Variants in B4GALNT1 observed in about 807,000 individuals in gnomAD.
B4GALNT1 encodes beta-1,4 N-acetylgalactosaminyltransferase 1.
In B4GALNT1, 43 loss-of-function variants were observed where a neutral mutation model predicts 55.2. The observed-to-expected ratio is 0.78, with a 90% confidence interval of 0.61 to 1.00. B4GALNT1 has a LOEUF of 1.00. B4GALNT1 is among the 50% of genes least tolerant of loss of function. B4GALNT1 has a pLI of 0.00. For synonymous variants in B4GALNT1, 305 were observed against 311.6 expected (o/e 0.98, Z 0.22); for missense variants, 664 against 729.7 (o/e 0.91, Z 1.04).
At position 57,625,397 on chromosome 12, in the gene B4GALNT1, C is replaced by G; in HGVS notation, c.*1347G>C. ...CTGATCTGGGACTTAACCCCTTTGC[C>G]CCATCCCTGCAGCTGGCCAGCCGAT... On this transcript the variant is annotated 3_prime_UTR_variant, in exon 11 of 11. Coordinates refer to ENST00000341156, the MANE Select transcript of B4GALNT1 (RefSeq NM_001478.5). The G allele has an allele frequency of 2.5e-6, 4 of 1,614,118 alleles. No homozygotes were observed. The highest frequency in any genetic ancestry group is 3.4e-6 in the Non-Finnish European group (4 of 1,180,010).
In B4GALNT1 at chr12:57,631,221, T is replaced by G. The variant is rs1885187882; in HGVS notation, c.362A>C (p.Glu121Ala). Residue 121 changes from glutamate to alanine, a missense_variant, in exon 3 of 11, where the codon GAG (glutamate) becomes GCG (alanine). Glu to Ala is a moderately radical substitution (Grantham distance 107). Coordinates refer to ENST00000341156, the MANE Select transcript of B4GALNT1 (RefSeq NM_001478.5). ...GTACCTCGACAGAAAGGCCTGGAACTCCTGCTCTCTTGTGGCAGAGGCAGC... is the reference window on the plus strand; with the variant it reads ...GTACCTCGACAGAAAGGCCTGGAACGCCTGCTCTCTTGTGGCAGAGGCAGC... ...LRAASATREQ[E>A]FQAFLSRSQS... 1 of 1,614,034 alleles carries G rather than the reference T, an allele frequency of 6.2e-7. No homozygotes were observed. Among genetic ancestry groups the G allele is most frequent in the Admixed American group, 1.7e-5 (1 of 60,006 alleles).
rs777094262 is a variant in B4GALNT1, at chr12:57,629,133, G to C, written c.726C>G (p.Thr242=). ...TAGTGAAAGCAGCCTCATGTCCCTC[G>C]GTGGAGAACCGGACTGGGAAGAAAG... ...TNTADTVRFS[T]EGHEAAFTIR... The change falls in exon 7 of 11, where the codon ACC becomes ACG. Residue 242 remains threonine (T), a synonymous_variant. Coordinates refer to ENST00000341156, the MANE Select transcript of B4GALNT1 (RefSeq NM_001478.5). 1.6e-5 allele frequency: 26 copies of C among 1,594,690 alleles called. No individual in the cohort carries two copies. Among genetic ancestry groups the C allele is most frequent in the Non-Finnish European group, 2.2e-5 (26 of 1,166,234 alleles).
In B4GALNT1 at chr12:57,630,495, C is replaced by G. The variant is rs810205; in HGVS notation, c.514G>C (p.Gly172Arg). Reference sequence around the variant, plus strand: ...TCTCTCACCTGGTATACCTCCTGACCAGAAGCTGCCTGAAGGCTCAGCCCT... The same window carrying G: ...TCTCTCACCTGGTATACCTCCTGACGAGAAGCTGCCTGAAGGCTCAGCCCT... ...VPGLSLQAAS[G>R]QEVYQVNLTA... Residue 172 changes from glycine to arginine, a missense_variant, in exon 5 of 11, where the codon GGT becomes CGT. Transcript: ENST00000341156. The G allele has an allele frequency of 0.019, 30,837 of 1,609,128 alleles. 397 individuals carry two copies. The highest frequency in any genetic ancestry group is 0.049 in the African/African-American group (3,644 of 74,838).
chr12:57,631,431 T>G (rs1251156453), intron 2 of B4GALNT1, 67 bp from the exon 3 acceptor site: 1 of 1,559,782 alleles, frequency 6.4e-7, no homozygotes, highest in South Asian at 1.2e-5. Flanking sequence ...CCATAAACAC[T>G]GACACAGCAC....
chr12:57,632,943 T>G lies in B4GALNT1; in HGVS notation c.-173A>C, dbSNP rs924652671. The G allele has an allele frequency of 6.6e-6, 1 of 152,224 alleles. No individual in the cohort carries two copies. Among genetic ancestry groups the G allele is most frequent in the Non-Finnish European group, 1.5e-5 (1 of 68,194 alleles). The allele number at this position is 152,224 out of a possible 1,614,324, so 9.4% of individuals were successfully genotyped here. A position where few individuals can be genotyped will look rare whatever the true frequency, so the allele number is the denominator to read the frequency against. ...GGAGCGCGCCCGATCCCTCCCGTCT[T>G]GGAACTCCCGGGGCTTTTGTGGAGC... On this transcript the variant is annotated 5_prime_UTR_variant, in exon 1 of 11. Coordinates refer to ENST00000341156, the MANE Select transcript of B4GALNT1 (RefSeq NM_001478.5).
At chr12:57,632,344 C>A in intron 1 of B4GALNT1, 1 of 693,806 alleles carries the variant, frequency 1.4e-6, no homozygotes, top group Non-Finnish European at 2.6e-6. Context: ...GGCCTCCTTT[C>A]TTCTCGCCCT....
chr12:57,632,229 G>T, intron 1 of B4GALNT1, 96 bp from the exon 2 acceptor site: 1 of 1,189,162 alleles, frequency 8.4e-7, no homozygotes, highest in Non-Finnish European at 1.2e-6. Context: ...GCTCCTGCCG[G>T]CTCCCAAGAG....
Position 57,625,878 on chromosome 12 carries a change from G to A in B4GALNT1, c.*866C>T. The A allele has an allele frequency of 1.9e-6, 2 of 1,073,318 alleles. No individual in the cohort carries two copies. The highest frequency in any genetic ancestry group is 2.5e-6 in the Non-Finnish European group (2 of 803,896). The allele number at this position is 1,073,318 out of a possible 1,614,324, so 66.5% of individuals were successfully genotyped here. On this transcript the variant is annotated 3_prime_UTR_variant, in exon 11 of 11. Transcript: ENST00000341156. ...ATCAGGGAGCCCGGGCTGAGCTATGGGTGAGGAACTGAAGAACTCAGATCC... is the reference window on the plus strand; with the variant it reads ...ATCAGGGAGCCCGGGCTGAGCTATGAGTGAGGAACTGAAGAACTCAGATCC...
In B4GALNT1 at chr12:57,628,039, G is replaced by A. The variant is rs537686267; in HGVS notation, c.1143+83C>T. On this transcript the variant is annotated intron_variant, in intron 9 of 10. Coordinates refer to ENST00000341156, the MANE Select transcript of B4GALNT1 (RefSeq NM_001478.5). ...TTCTCTCTTTGTCCTAGGGCTGGCC[G>A]TTCCTGGCCGCAGCGCCCCCGCTGT... The A allele has an allele frequency of 2.1e-5, 33 of 1,572,588 alleles. No individual in the cohort carries two copies. The African/African-American group carries it at 4.1e-4, about 19-fold the overall frequency.
Position 57,628,730 on chromosome 12 carries a change from G to A in B4GALNT1, c.985C>T (p.Leu329Phe), listed in dbSNP as rs1390600528. The A allele has an allele frequency of 6.2e-6, 10 of 1,614,250 alleles. No homozygotes were observed. Among genetic ancestry groups the A allele is most frequent in the Non-Finnish European group, 8.5e-6 (10 of 1,180,052 alleles). Reference sequence around the variant, plus strand: ...CTGCACACCTTGCCGAAGGGCATGAGATAGTGTTCCACGTAGGGGCCACTA... The same window carrying A: ...CTGCACACCTTGCCGAAGGGCATGAAATAGTGTTCCACGTAGGGGCCACTA... ...RVSGPYVEHYLMPFGKGWFAG... is the reference protein window; with the variant it reads ...RVSGPYVEHYFMPFGKGWFAG... Residue 329 changes from leucine (L) to phenylalanine (F), a missense_variant, in exon 8 of 11, where the codon CTC becomes TTC. By Grantham distance (22) the Leu-to-Phe change is conservative. Coordinates refer to ENST00000341156, the MANE Select transcript of B4GALNT1 (RefSeq NM_001478.5).
At chr12:57,630,598 C>T in intron 4 of B4GALNT1, 80 bp from the exon 5 acceptor site, 1 of 1,464,838 alleles carries the variant, frequency 6.8e-7, no homozygotes, top group Non-Finnish European at 9.2e-7. Context: ...GCTGTCACCA[C>T]ACACAATAGA....
rs925900925 is a variant in B4GALNT1 at position 57,628,635 on chromosome 12, T to C, written c.1002+78A>G. The C allele has an allele frequency of 2.6e-6, 4 of 1,546,292 alleles. No homozygotes were observed. The African/African-American group carries it at 4.1e-5, about 16-fold the overall frequency. ...CTGAGGCAGGTGGTCCTCGAATCAC[T>C]ACCCTGGAGGCTGCAGATTGAGGGC... On this transcript the variant is annotated intron_variant, in intron 8 of 10. Transcript: ENST00000341156.
chr12:57,629,336 T>C, intron 6 of B4GALNT1, 190 bp from the exon 7 acceptor site: 1 of 488,990 alleles, frequency 2.0e-6, no homozygotes, highest in Non-Finnish European at 3.5e-6. Flanking sequence ...AAATTTTAAG[T>C]AAAAGCTAAT....
rs762763123 is a variant in B4GALNT1, at chr12:57,626,914, C to G, written c.1432G>C (p.Asp478His). Residue 478 changes from aspartate to histidine, a missense_variant, in exon 11 of 11, where the codon GAC becomes CAC. Coordinates refer to ENST00000341156, the MANE Select transcript of B4GALNT1 (RefSeq NM_001478.5). ...TTGGATGCATGATCCACCACGACGT[C>G]GGAGCAGGAGCCAACCCGAAGGGAA... ...LGSLRVGSCS[D>H]VVVDHASKLK... 1 of 1,614,170 alleles carries G rather than the reference C, an allele frequency of 6.2e-7. No individual in the cohort carries two copies.
intron 1 of B4GALNT1, 131 bp from the exon 2 acceptor site, chr12:57,632,264 T>G: frequency 4.4e-6 from 4 of 915,062 alleles, no homozygotes; most frequent in South Asian, 1.4e-5. Flanking sequence ...CACATCGCGC[T>G]AGGGTTTGCA....
Position 57,631,989 on chromosome 12 carries a change from C to A in B4GALNT1, c.144G>T (p.Arg48Ser). Residue 48 changes from arginine to serine, a missense_variant, in exon 2 of 11, where the codon AGG (arginine) becomes AGT (serine). Coordinates refer to ENST00000341156, the MANE Select transcript of B4GALNT1 (RefSeq NM_001478.5). ...CAGGAGCAAGATCTGGCAGCTCGGGCCTGCGGGGGCTTTGCGGGGGCGCCC... is the reference window on the plus strand; with the variant it reads ...CAGGAGCAAGATCTGGCAGCTCGGGACTGCGGGGGCTTTGCGGGGGCGCCC... ...APWAPPQSPR[R>S]PELPDLAPEP... 6.9e-7 allele frequency: 1 copy of A among 1,455,820 alleles called. No individual in the cohort carries two copies. The highest frequency in any genetic ancestry group is 9.1e-7 in the Non-Finnish European group (1 of 1,104,490). The allele number at this position is 1,455,820 out of a possible 1,614,324, so 90.2% of individuals were successfully genotyped here.
At chr12:57,628,447 T>C in intron 8 of B4GALNT1, 185 bp from the exon 9 acceptor site, 1 of 938,700 alleles carries the variant, frequency 1.1e-6, no homozygotes, top group South Asian at 1.7e-5. Flanking sequence ...TCAGTGGTCT[T>C]AGAATGCGTT....
At position 57,625,099 on chromosome 12, in the gene B4GALNT1, G is replaced by T. The variant is rs780562286; in HGVS notation, c.*1645C>A. ...ATGTTCATGCTGTGTTTCGGGAGTG[G>T]TGACTGCCCTTCTTTACTTATAGGA... is the stretch of plus-strand genomic sequence containing the variant. On this transcript the variant is annotated 3_prime_UTR_variant, in exon 11 of 11. Coordinates refer to ENST00000341156, the MANE Select transcript of B4GALNT1 (RefSeq NM_001478.5). The T allele has an allele frequency of 6.2e-7, 1 of 1,614,132 alleles. No individual in the cohort carries two copies.
In B4GALNT1 at chr12:57,630,283, G is replaced by A. The variant is rs761442524; in HGVS notation, c.581C>T (p.Thr194Ile). 1.2e-5 allele frequency: 19 copies of A among 1,614,086 alleles called. No individual in the cohort carries two copies. The East Asian group carries it at 4.2e-4, about 36-fold the overall frequency. The change falls in exon 6 of 11, where the codon ACT (threonine) becomes ATT (isoleucine). Residue 194 changes from threonine to isoleucine, a missense_variant. Coordinates refer to ENST00000341156, the MANE Select transcript of B4GALNT1 (RefSeq NM_001478.5). Reference protein sequence around the residue: ...LGTWDVAGEVTGVTLTGEGQA... With the variant: ...LGTWDVAGEVIGVTLTGEGQA... ...ACCCTCTCCAGTGAGAGTAACTCCA[G>A]TCACTTCCCCTGCCACGTCCCAGGT...
Sources: allele counts gnomAD v4.1 joint callset, GRCh38; gene constraint gnomAD v4.1.1; transcripts MANE v1.5; gene names NCBI Gene and HGNC (gene_info 2026-07-23, HGNC 2026-07-21).